Variants in FILIP1 observed in about 807,000 individuals in gnomAD.
FILIP1 encodes the protein filamin-A-interacting protein 1.
Under a neutral mutation model 102.1 loss-of-function variants are expected in FILIP1, and 61 were observed. The observed-to-expected ratio is 0.60, with a 90% CI of 0.49 to 0.74. FILIP1 has a LOEUF of 0.74. Among genes scored for constraint, FILIP1 ranks in the 30% least tolerant of loss-of-function variants. The pLI, the probability that FILIP1 is intolerant of heterozygous loss-of-function variation, is 0.00. For missense variants in FILIP1, 1,314 were observed against 1,441.2 expected, an observed-to-expected ratio of 0.91 and a Z score of 1.43; for synonymous variants, 491 against 526.9, an observed-to-expected ratio of 0.93 and a Z score of 0.93.
At chr6:75,447,587 G>A (rs1210217045) in intron 1 of FILIP1, among the ~76,000 whole-genome samples, 1 of 152,110 alleles carries the variant, frequency 6.6e-6, no homozygotes, top group Non-Finnish European at 1.5e-5. Context: ...GATAGATGGA[G>A]GCTAGTTGTC....
At chr6:75,422,430 C>T (rs1777498009) in intron 1 of FILIP1, among the ~76,000 whole-genome samples, 1 of 151,972 alleles carries the variant, frequency 6.6e-6, no homozygotes, top group Admixed American at 6.6e-5. Flanking sequence ...GGAATGTCAC[C>T]ATTTAGTTTA....
rs145876800 is a variant in FILIP1, at chr6:75,353,585, T to G, written c.583A>C (p.Asn195His). The G allele has an allele frequency of 1.7e-4, 274 of 1,614,086 alleles. No homozygotes were observed. The highest frequency in any genetic ancestry group is 2.2e-4 in the Non-Finnish European group (260 of 1,180,046). ...AGGTTGGTGAAGTCGTCGCTCTTGT[T>G]CATGTAGTCAGTGTGTTTATGCTTC... ...NEKHKHTDYMNKSDDFTNLLE... is the reference protein window; with the variant it reads ...NEKHKHTDYMHKSDDFTNLLE... Residue 195 changes from asparagine to histidine, a missense_variant, in exon 4 of 6, where the codon AAC (asparagine) becomes CAC (histidine). By Grantham distance (68) the Asn-to-His change is moderately conservative. Around this residue, in one of 3 missense-constraint regions of FILIP1, gnomAD observed 494 missense variants for 511.2 expected, o/e 0.97. Coordinates refer to ENST00000237172, the MANE Select transcript of FILIP1 (RefSeq NM_015687.5).
At chr6:75,466,359 C>A (rs1198883161) in intron 1 of FILIP1, among the ~76,000 whole-genome samples, 2 of 152,168 alleles carry the variant, frequency 1.3e-5, no homozygotes, top group East Asian at 3.9e-4. Context: ...AGTGCCTGAA[C>A]CAGTACCTGG....
intron 2 of FILIP1, among the ~76,000 whole-genome samples, chr6:75,407,738 G>C (rs765742503): frequency 1.6e-4 from 25 of 152,114 alleles, no homozygotes; most frequent in Non-Finnish European, 2.5e-4. Flanking sequence ...AGGCAGAAGG[G>C]AGCTAACTAT....
intron 2 of FILIP1, chr6:75,398,220 G>A (rs1333120067): frequency 6.6e-6 from 1 of 152,092 alleles, no homozygotes; most frequent in African/African-American, 2.4e-5. Context: ...TACAGAGTTT[G>A]GAAAAAATAT....
At chr6:75,486,457 A>T (rs1170637029) in intron 1 of FILIP1, among the ~76,000 whole-genome samples, 1 of 152,132 alleles carries the variant, frequency 6.6e-6, no homozygotes, top group Non-Finnish European at 1.5e-5. Context: ...AAATCTCTTT[A>T]TTCTTTGCAC....
At chr6:75,315,541 A>G (rs1437091686) in intron 4 of FILIP1, among the ~76,000 whole-genome samples, 1 of 152,226 alleles carries the variant, frequency 6.6e-6, no homozygotes, top group Non-Finnish European at 1.5e-5. Flanking sequence ...TTATACTTTA[A>G]TACAGTAGCC....
chr6:75,376,898 G>A (rs1199863140), intron 2 of FILIP1, among the ~76,000 whole-genome samples: 1 of 152,066 alleles, frequency 6.6e-6, no homozygotes, highest in African/African-American at 2.4e-5. Flanking sequence ...CAAAAATTTG[G>A]ACTACACTGT....
chr6:75,444,853 G>A (rs1200245737), intron 1 of FILIP1, among the ~76,000 whole-genome samples: 1 of 152,162 alleles, frequency 6.6e-6, no homozygotes, highest in Non-Finnish European at 1.5e-5. Context: ...CCCTAGGACA[G>A]GTAATAAAAT....
chr6:75,467,181 T>G lies in FILIP1; in HGVS notation c.-7+26233A>C, dbSNP rs376738563. 2.8e-3 allele frequency among the ~76,000 whole-genome samples: 430 copies of G among 152,370 alleles called. 3 individuals are homozygous for G. Among genetic ancestry groups the G allele is most frequent in the African/African-American group, 9.9e-3 (412 of 41,590 alleles). ...CAACAGAACATTTTACACACTTTACTACTTGCACAATAAAATTTCTTTTAC... is the reference window on the plus strand; with the variant it reads ...CAACAGAACATTTTACACACTTTACGACTTGCACAATAAAATTTCTTTTAC... On this transcript the variant is annotated intron_variant, in intron 1 of 5. Transcript: ENST00000237172.
intron 1 of FILIP1, among the ~76,000 whole-genome samples, chr6:75,416,882 A>G (rs1269052803): frequency 2.0e-5 from 3 of 152,196 alleles, no homozygotes. Flanking sequence ...CTTACACAGT[A>G]TTTAAATCTG....
At chr6:75,321,141 C>CA (rs1773638517) in intron 4 of FILIP1, among the ~76,000 whole-genome samples, 1 of 152,206 alleles carries the variant, frequency 6.6e-6, no homozygotes. Flanking sequence ...CTCCTGACCT[C>CA]AAGCAATCCT....
chr6:75,411,983 T>C (rs1008652638), intron 2 of FILIP1, among the ~76,000 whole-genome samples: 5 of 151,886 alleles, frequency 3.3e-5, no homozygotes, highest in African/African-American at 1.2e-4. Flanking sequence ...GGGAACAGCA[T>C]TGAATCTATA....
In FILIP1 at chr6:75,314,757, G is replaced by C; in HGVS notation, c.1075C>G (p.Leu359Val). 6.2e-7 allele frequency: 1 copy of C among 1,614,104 alleles called. No homozygotes were observed. Among genetic ancestry groups the C allele is most frequent in the South Asian group, 1.1e-5 (1 of 91,068 alleles). ...GCAATTTTATCTCTTAATTCTTGAA[G>C]TTCTTCCTCTGCCTTCTGCAGATTT... ...NKNLQKAEEE[L>V]QELRDKIAKG... is the part of the protein sequence containing the mutation. Residue 359 changes from leucine to valine, a missense_variant, in exon 5 of 6, where the codon CTT (leucine) becomes GTT (valine). Coordinates refer to ENST00000237172, the MANE Select transcript of FILIP1 (RefSeq NM_015687.5).
chr6:75,415,085 G>T, intron 1 of FILIP1, 107 bp from the exon 2 acceptor site: 1 of 1,008,526 alleles, frequency 9.9e-7, no homozygotes, highest in Non-Finnish European at 1.5e-6. Context: ...CGCCAATAAG[G>T]AAAAATCAAA....
intron 2 of FILIP1, 81 bp from the exon 3 acceptor site, chr6:75,362,998 T>C: frequency 7.3e-7 from 1 of 1,368,750 alleles, no homozygotes; most frequent in Non-Finnish European, 1.0e-6. Context: ...AGAGAGCTTA[T>C]TGAATACATC....
Position 75,381,508 on chromosome 6 carries a change from G to A in FILIP1, c.277-18591C>T, listed in dbSNP as rs188344500. Among the ~76,000 whole-genome samples, 11 of 152,176 alleles carry A rather than the reference G, an allele frequency of 7.2e-5. 1 individual carries two copies. Among genetic ancestry groups the A allele is most frequent in the Admixed American group, 5.9e-4 (9 of 15,286 alleles). On this transcript the variant is annotated intron_variant, in intron 2 of 5. Coordinates refer to ENST00000237172, the MANE Select transcript of FILIP1 (RefSeq NM_015687.5). ...CTCCCAAAGTGCTGAGATTACAGGC[G>A]TGAGTCACCATGTCTGGCCTACAAT...
chr6:75,341,496 A>C (rs1007303459), intron 4 of FILIP1, among the ~76,000 whole-genome samples: 1 of 152,038 alleles, frequency 6.6e-6, no homozygotes, highest in Non-Finnish European at 1.5e-5. Flanking sequence ...CAGTCTTAGA[A>C]TATGATCCTT....
At chr6:75,419,467 A>G (rs1777379688) in intron 1 of FILIP1, among the ~76,000 whole-genome samples, 2 of 152,148 alleles carry the variant, frequency 1.3e-5, no homozygotes, top group Admixed American at 6.6e-5. Context: ...ATAATTTTAT[A>G]TACTTAATTT....
Sources: gnomAD v4.1 joint callset for allele counts (sites outside exome capture counted in the v4.1 genomes callset) on GRCh38, gnomAD v4.1.1 for gene constraint, gnomAD v4.1.1 regional missense constraint, MANE v1.5 for transcripts, NCBI Gene and HGNC (gene_info 2026-07-23, HGNC 2026-07-21) for gene names.